KLK9: variants seen among roughly 807,000 people sequenced by gnomAD.
KLK9 encodes kallikrein related peptidase 9, also known as kallikrein-9.
KLK9 carries 26 observed loss-of-function variants against 23.3 expected under a neutral mutation model. The ratio of observed to expected loss-of-function variants is 1.12; its 90% confidence interval spans 0.82 to 1.55. The LOEUF (loss-of-function observed/expected upper bound fraction) is 1.55, where lower values mean the gene tolerates loss of function less well. KLK9 is among the 40% of genes most tolerant of loss of function. The probability of loss-of-function intolerance (pLI) is 0.00; values close to 1 mark genes in which losing one functional copy is unlikely to be tolerated. For synonymous variants in KLK9, 122 were observed against 128.5 expected, an observed-to-expected ratio of 0.95 and a Z score of 0.34; for missense variants, 346 against 333.7, an observed-to-expected ratio of 1.04 and a Z score of -0.29.
chr19:51,008,515 T>C (rs1450099364), intron 2 of KLK9, among the ~76,000 whole-genome samples: 1 of 152,118 alleles, frequency 6.6e-6, no homozygotes, highest in Non-Finnish European at 1.5e-5. Context: ...CAATATTCAA[T>C]GAATCTAGAA....
Position 51,003,018 on chromosome 19 carries a change from G to T in KLK9, c.*93C>A, listed in dbSNP as rs2091239793. 4.2e-6 allele frequency: 6 copies of T among 1,437,486 alleles called. No homozygotes were observed. The highest frequency in any genetic ancestry group is 4.2e-5 in the Admixed American group (2 of 47,590). 89.0% of individuals were successfully genotyped at this position (1,437,486 alleles called of 1,614,324 possible). ...GTCAGGGCAGCTGGAGGTCCAGGGC[G>T]GGAACCATTGAGGCTGGGACCCTAC... On this transcript the variant is annotated 3_prime_UTR_variant, in exon 5 of 5. Transcript: ENST00000594211.
In KLK9 at chr19:51,002,840, G is replaced by C. The variant is rs10404395; in HGVS notation, c.*271C>G. On this transcript the variant is annotated 3_prime_UTR_variant, in exon 5 of 5. Transcript: ENST00000594211. ...TTGGGGCGGAGCCACAGGCTGTGCTGTTCCAAGAAGGAGGTGATGGCTGTC... is the reference window on the plus strand; with the variant it reads ...TTGGGGCGGAGCCACAGGCTGTGCTCTTCCAAGAAGGAGGTGATGGCTGTC... 0.048 allele frequency: 18,894 copies of C among 397,130 alleles called. 513 individuals are homozygous for C. Among genetic ancestry groups the C allele is most frequent in the Middle Eastern group, 0.1 (156 of 1,544 alleles). The allele number at this position is 397,130 out of a possible 1,614,324, so 24.6% of individuals were successfully genotyped here. A position where few individuals can be genotyped will look rare whatever the true frequency, so the allele number is the denominator to read the frequency against.
At chr19:51,003,619 G>A (rs2091243943) in intron 4 of KLK9, 85 bp downstream of exon 4, 3 of 1,224,724 alleles carry the variant, frequency 2.4e-6, no homozygotes, top group South Asian at 1.4e-5. Flanking sequence ...TTTGACCCAG[G>A]AAGGCTGGGG....
At position 51,009,559 on chromosome 19, in the gene KLK9, A is replaced by G; in HGVS notation, c.-12T>C. ...AGTCCCAGCTTCATGACCCCTGGGC[A>G]CCTGGATCCTGGAACGTGCACCCGG... On this transcript the variant is annotated 5_prime_UTR_variant, in exon 1 of 5. Coordinates refer to ENST00000594211, the MANE Select transcript of KLK9 (RefSeq NM_012315.2). The surrounding 1 kb of genome is among the most constrained non-coding windows in gnomAD (Gnocchi z 4.8). 6.2e-7 allele frequency: 1 copy of G among 1,612,388 alleles called. No homozygotes were observed. Among genetic ancestry groups the G allele is most frequent in the Non-Finnish European group, 8.5e-7 (1 of 1,179,514 alleles).
Position 51,009,099 on chromosome 19 carries a change from G to T in KLK9, c.200+84C>A. On this transcript the variant is annotated intron_variant, in intron 2 of 4. Coordinates refer to ENST00000594211, the MANE Select transcript of KLK9 (RefSeq NM_012315.2). The surrounding 1 kb of genome is among the most constrained non-coding windows in gnomAD (Gnocchi z 4.8). ...TTGTGGTATCAGAAGTGGAGGCTCC[G>T]CACTTCTGGCCTAAAGCACCCCTCA... The T allele has an allele frequency of 1.4e-6, 2 of 1,438,496 alleles. No homozygotes were observed. Among genetic ancestry groups the T allele is most frequent in the African/African-American group, 1.4e-5 (1 of 70,608 alleles). The allele number at this position is 1,438,496 out of a possible 1,614,324, so 89.1% of individuals were successfully genotyped here.
rs1568558260 is a variant in KLK9, at chr19:51,003,734, G to A, written c.573C>T (p.Gly191=). The A allele has an allele frequency of 1.9e-6, 3 of 1,613,256 alleles. No homozygotes were observed. Among genetic ancestry groups the A allele is most frequent in the Non-Finnish European group, 1.7e-6 (2 of 1,179,208 alleles). ...GHISDSMLCA[G]LWEGGRGSCQ... is the part of the protein sequence containing the mutation. ...AGGAACCTCGGCCCCCCTCCCACAGGCCCGCACAGAGCATGCTGTCCGAGA... is the reference window on the plus strand; with the variant it reads ...AGGAACCTCGGCCCCCCTCCCACAGACCCGCACAGAGCATGCTGTCCGAGA... The change falls in exon 4 of 5, where the codon GGC becomes GGT. Residue 191 remains glycine, a synonymous_variant. Transcript: ENST00000594211.
Position 51,009,101 on chromosome 19 carries a change from A to T in KLK9, c.200+82T>A, listed in dbSNP as rs1294944627. On this transcript the variant is annotated intron_variant, in intron 2 of 4. Coordinates refer to ENST00000594211, the MANE Select transcript of KLK9 (RefSeq NM_012315.2). The surrounding 1 kb of genome is among the most constrained non-coding windows in gnomAD (Gnocchi z 4.8). ...GTGGTATCAGAAGTGGAGGCTCCGC[A>T]CTTCTGGCCTAAAGCACCCCTCACC... 1.4e-6 allele frequency: 2 copies of T among 1,468,202 alleles called. No individual in the cohort carries two copies. Among genetic ancestry groups the T allele is most frequent in the African/African-American group, 2.8e-5 (2 of 71,120 alleles). The allele number at this position is 1,468,202 out of a possible 1,614,324, so 90.9% of individuals were successfully genotyped here.
chr19:51,003,397 C>A (rs548952702), intron 4 of KLK9, 137 bp from the exon 5 acceptor site: 30 of 974,578 alleles, frequency 3.1e-5, no homozygotes, highest in South Asian at 2.7e-4. Context: ...CCAGCCTCTT[C>A]TTCCTCAGAC....
Position 51,009,321 on chromosome 19 carries a change from G to A in KLK9, c.62C>T (p.Thr21Ile), listed in dbSNP as rs202182260. The part of the protein sequence containing the change: ...SLLAGHGWAD[T>I]RAIGAEECRP... ...ACATTCCTCGGCCCCGATGGCACGG[G>A]TGTCTGCCCAGCCATGCCCTGGGGT... is the stretch of plus-strand genomic sequence containing the variant. The change falls in exon 2 of 5, where the codon ACC becomes ATC. Residue 21 changes from threonine to isoleucine, a missense_variant. Thr to Ile is a moderately conservative substitution (Grantham distance 89). Transcript: ENST00000594211. The surrounding 1 kb of genome is among the most constrained non-coding windows in gnomAD (Gnocchi z 4.8). 3 of 1,589,530 alleles carry A rather than the reference G, an allele frequency of 1.9e-6. No individual in the cohort carries two copies. Among genetic ancestry groups the A allele is most frequent in the East Asian group, 2.3e-5 (1 of 44,298 alleles).
rs1442821176 is a variant in KLK9, at chr19:51,003,721, C to G, written c.586G>C (p.Gly196Arg). Residue 196 changes from glycine to arginine, a missense_variant, in exon 4 of 5, where the codon GGC (glycine) becomes CGC (arginine). Gly to Arg is a moderately radical substitution (Grantham distance 125). Coordinates refer to ENST00000594211, the MANE Select transcript of KLK9 (RefSeq NM_012315.2). ...SMLCAGLWEG[G>R]RGSCQGDSGG... ...GGTCTCACCTGGCAGGAACCTCGGCCCCCCTCCCACAGGCCCGCACAGAGC... is the reference window on the plus strand; with the variant it reads ...GGTCTCACCTGGCAGGAACCTCGGCGCCCCTCCCACAGGCCCGCACAGAGC... The G allele has an allele frequency of 6.2e-7, 1 of 1,611,936 alleles. No individual in the cohort carries two copies. Among genetic ancestry groups the G allele is most frequent in the Non-Finnish European group, 8.5e-7 (1 of 1,178,996 alleles).
At position 51,006,572 on chromosome 19, in the gene KLK9, G is replaced by A. The variant is rs2122362902; in HGVS notation, c.352C>T (p.Pro118Ser). The change falls in exon 3 of 5, where the codon CCC becomes TCC. Residue 118 changes from proline to serine, a missense_variant. By Grantham distance (74) the Pro-to-Ser change is moderately conservative (BLOSUM62 -1). Coordinates refer to ENST00000594211, the MANE Select transcript of KLK9 (RefSeq NM_012315.2). The surrounding 1 kb of genome is among the most constrained non-coding windows in gnomAD (Gnocchi z 4.1). ...HNDDIMLIRL[P>S]RQARLSPAVQ... is the part of the protein sequence containing the mutation. ...GCAGGACTCAGACGTGCCTGCCTGG[G>A]CAGGCGGATCAGCATGATGTCATCA... 3 of 1,613,302 alleles carry A rather than the reference G, an allele frequency of 1.9e-6. No homozygotes were observed. Among genetic ancestry groups the A allele is most frequent in the South Asian group, 1.1e-5 (1 of 91,072 alleles).
intron 2 of KLK9, among the ~76,000 whole-genome samples, chr19:51,007,141 G>C (rs1299806377): frequency 1.3e-5 from 2 of 151,854 alleles, no homozygotes; most frequent in Non-Finnish European, 2.9e-5. Context: ...GAGCGGCTCT[G>C]TATGTCTAAG....
intron 3 of KLK9, among the ~76,000 whole-genome samples, chr19:51,005,580 A>G (rs1325023336): frequency 6.6e-6 from 1 of 152,038 alleles, no homozygotes; most frequent in Non-Finnish European, 1.5e-5. Flanking sequence ...GGTGGATTCC[A>G]GGATACTATT....
At chr19:51,005,471 T>A (rs2091251949) in intron 3 of KLK9, among the ~76,000 whole-genome samples, 1 of 152,188 alleles carries the variant, frequency 6.6e-6, no homozygotes, top group Admixed American at 6.5e-5. Flanking sequence ...CCACCCAGCA[T>A]CTTTTACCAG....
chr19:51,003,989 C>A, intron 3 of KLK9, 149 bp from the exon 4 acceptor site: 1 of 639,514 alleles, frequency 1.6e-6, no homozygotes, highest in Admixed American at 2.7e-5. Context: ...CAGTGACAGA[C>A]AGACAGTCAT....
At chr19:51,007,577 T>A (rs2091260598) in intron 2 of KLK9, among the ~76,000 whole-genome samples, 1 of 151,838 alleles carries the variant, frequency 6.6e-6, no homozygotes, top group Non-Finnish European at 1.5e-5. Context: ...TCCACCTTCA[T>A]ATCTCTGCAT....
intron 2 of KLK9, among the ~76,000 whole-genome samples, chr19:51,007,509 G>C (rs539874375): frequency 1.3e-5 from 2 of 151,968 alleles, no homozygotes; most frequent in East Asian, 3.9e-4. Flanking sequence ...ATCTGGAAAA[G>C]TAGTCCTCAC....
At chr19:51,008,167 TAAAAAAAA>T (rs577874335) in intron 2 of KLK9, among the ~76,000 whole-genome samples, 1 of 95,946 alleles carries the variant, frequency 1.0e-5, no homozygotes, top group African/African-American at 4.1e-5. Flanking sequence ...CCGTCTCTAC[TAAAAAAAA>T]AAAAAAAAAA....
chr19:51,006,110 C>T lies in KLK9; in HGVS notation c.466+348G>A, dbSNP rs150507579. Among the ~76,000 whole-genome samples, 22 of 149,624 alleles carry T rather than the reference C, an allele frequency of 1.5e-4. 2 individuals are homozygous for T. Among genetic ancestry groups the T allele is most frequent in the Admixed American group, 6.0e-4 (9 of 14,992 alleles). ...CTGCACTCCAGCCTGAGCAACAAAG[C>T]GAGACCCTGTCTCAAAAACAAACAA... is the stretch of plus-strand genomic sequence containing the variant. On this transcript the variant is annotated intron_variant, in intron 3 of 4. Coordinates refer to ENST00000594211, the MANE Select transcript of KLK9 (RefSeq NM_012315.2). The surrounding 1 kb of genome is among the most constrained non-coding windows in gnomAD (Gnocchi z 4.1).
Sources: gnomAD v4.1 joint callset for allele counts (sites outside exome capture counted in the v4.1 genomes callset) on GRCh38, gnomAD v4.1.1 for gene constraint, Gnocchi (gnomAD v3.1) non-coding constraint, MANE v1.5 for transcripts, NCBI Gene and HGNC (gene_info 2026-07-23, HGNC 2026-07-21) for gene names.